ZNF268: variants seen among roughly 807,000 people sequenced by gnomAD.
The protein encoded by ZNF268 is zinc finger protein 3.
A neutral mutation model predicts 29.3 loss-of-function variants in ZNF268; 20 were observed. The observed-to-expected ratio is 0.68, with a 90% confidence interval of 0.48 to 0.99. The LOEUF is 0.99. Ranked by LOEUF, ZNF268 falls within the 50% of genes least tolerant of loss-of-function variation. ZNF268 has a pLI of 0.00. For missense variants in ZNF268, 1,240 were observed against 1,121.6 expected (o/e 1.11, Z -1.51); for synonymous variants, 429 against 376.9 (o/e 1.14, Z -1.60).
intron 5 of ZNF268, among the ~76,000 whole-genome samples, chr12:133,192,763 G>A (rs1446113242): frequency 1.3e-5 from 2 of 151,666 alleles, no homozygotes; most frequent in African/African-American, 4.8e-5. Context: ...TCTGCCTCCC[G>A]GGTCTCCTGC....
intron 5 of ZNF268, among the ~76,000 whole-genome samples, chr12:133,198,202 G>A (rs1593910813): frequency 2.7e-5 from 4 of 146,942 alleles, no homozygotes; most frequent in South Asian, 4.3e-4. Context: ...ATCTTGAATT[G>A]ATTTTTGTAT....
At chr12:133,196,376 A>C (rs2135508330) in intron 5 of ZNF268, among the ~76,000 whole-genome samples, 1 of 149,658 alleles carries the variant, frequency 6.7e-6, no homozygotes, top group South Asian at 2.1e-4. Context: ...GTATTCCCTG[A>C]TTTTTTGAAT....
rs1185469037 is a variant in ZNF268 at position 133,206,887 on chromosome 12, AAAG to A, written c.*2362_*2364del. On this transcript the variant is annotated 3_prime_UTR_variant, in exon 6 of 6. Coordinates refer to ENST00000536435, the MANE Select transcript of ZNF268 (RefSeq NM_003415.3). Reference sequence around the variant, plus strand: ...AGGTGTATATTATTATTGATGTACCAAAGAAGACAGAATAAATTCATAAGAGAA... The same window carrying A: ...AGGTGTATATTATTATTGATGTACCAAAGACAGAATAAATTCATAAGAGAA... The A allele has an allele frequency of 1.3e-5, 2 of 152,220 alleles. No individual in the cohort carries two copies. The highest frequency in any genetic ancestry group is 2.9e-5 in the Non-Finnish European group (2 of 68,058). The allele number at this position is 152,220 out of a possible 1,614,324, so 9.4% of individuals were successfully genotyped here. A position where few individuals can be genotyped will look rare whatever the true frequency, so the allele number is the denominator to read the frequency against.
At position 133,203,313 on chromosome 12, in the gene ZNF268, C is replaced by A; in HGVS notation, c.1627C>A (p.Leu543Ile). ...CGKAFSFKSQ[L>I]IIHQRIHTGE... is the part of the protein sequence containing the mutation. ...GAAAGCCTTCAGTTTTAAATCACAG[C>A]TCATTATACATCAGAGGATTCATAC... is the stretch of plus-strand genomic sequence containing the variant. The change falls in exon 6 of 6, where the codon CTC becomes ATC. Residue 543 changes from leucine to isoleucine, a missense_variant. This residue lies in a region of ZNF268 where 1,177 missense variants were observed against 1,039.6 expected (regional missense o/e 1.13). Coordinates refer to ENST00000536435, the MANE Select transcript of ZNF268 (RefSeq NM_003415.3). The A allele has an allele frequency of 6.5e-7, 1 of 1,543,090 alleles. No homozygotes were observed.
chr12:133,203,646 C>T lies in ZNF268; in HGVS notation c.1960C>T (p.Gln654Ter), dbSNP rs776938661. Residue 654 changes from glutamine (Q) to a stop codon, truncating the protein, a stop_gained, in exon 6 of 6, where the codon CAG becomes TAG. Transcript: ENST00000536435. LOFTEE classifies it low-confidence loss of function (END_TRUNC). ...TGGAAAAGCCTTTACGTTCAAATCA[C>T]AGCTCATTGTACATAAAGGAGTGCA... The part of the protein sequence containing the change: ...ECGKAFTFKS[Q>*]LIVHKGVHTG... The T allele has an allele frequency of 2.6e-6, 4 of 1,557,010 alleles. No individual in the cohort carries two copies. Among genetic ancestry groups the T allele is most frequent in the Non-Finnish European group, 3.5e-6 (4 of 1,155,464 alleles).
At chr12:133,185,018 T>A (rs61064616) in intron 2 of ZNF268, among the ~76,000 whole-genome samples, 51,145 of 151,502 alleles carry the variant, frequency 0.34, 9,047 homozygotes, top group African/African-American at 0.41. Context: ...ACCTCGTCTC[T>A]ACTAAAAATA....
intron 5 of ZNF268, among the ~76,000 whole-genome samples, chr12:133,195,902 AG>A: frequency 6.6e-6 from 1 of 151,384 alleles, no homozygotes; most frequent in Non-Finnish European, 1.5e-5. Context: ...ATTTTTAGAC[AG>A]GGTTTCACCA....
chr12:133,204,253 G>C lies in ZNF268; in HGVS notation c.2567G>C (p.Arg856Thr), dbSNP rs766957751. The part of the protein sequence containing the change: ...SGKLRLLVHQ[R>T]MHTREKPYEC... ...AAATTACGCCTTCTTGTACACCAGA[G>C]AATGCACACAAGAGAGAAACCATAT... The change falls in exon 6 of 6, where the codon AGA becomes ACA. Residue 856 changes from arginine (R) to threonine (T), a missense_variant. Transcript: ENST00000536435. The C allele has an allele frequency of 3.9e-6, 6 of 1,546,970 alleles. No individual in the cohort carries two copies. The South Asian group carries it at 7.1e-5, about 18-fold the overall frequency.
chr12:133,184,592 A>G (rs1022184655), intron 2 of ZNF268: 2 of 348,028 alleles, frequency 5.7e-6, no homozygotes, highest in African/African-American at 2.1e-5. Context: ...ATCACTATTA[A>G]AAGGCCGCAC....
chr12:133,189,114 T>C (rs1275714802), intron 3 of ZNF268, among the ~76,000 whole-genome samples: 1 of 152,134 alleles, frequency 6.6e-6, no homozygotes, highest in Non-Finnish European at 1.5e-5. Flanking sequence ...TCAATGTTTA[T>C]AGTTTTGAGC....
intron 2 of ZNF268, among the ~76,000 whole-genome samples, chr12:133,186,115 A>G (rs1956307752): frequency 6.6e-6 from 1 of 152,106 alleles, no homozygotes; most frequent in Non-Finnish European, 1.5e-5. Context: ...GGGTAAGGGT[A>G]CTGAGGTCCA....
Position 133,203,758 on chromosome 12 carries a change from C to G in ZNF268, c.2072C>G (p.Thr691Arg). ...SQLIVHQRSHTGVKPYGCSEC... is the reference protein window; with the variant it reads ...SQLIVHQRSHRGVKPYGCSEC... Reference sequence around the variant, plus strand: ...CTCATTGTACATCAGAGAAGTCACACAGGAGTAAAACCATATGGATGCAGT... The same window carrying G: ...CTCATTGTACATCAGAGAAGTCACAGAGGAGTAAAACCATATGGATGCAGT... The change falls in exon 6 of 6, where the codon ACA becomes AGA. Residue 691 changes from threonine to arginine, a missense_variant. Physicochemically the swap from Thr to Arg is moderately conservative, Grantham distance 71. This residue lies in a region of ZNF268 where 1,177 missense variants were observed against 1,039.6 expected (regional missense o/e 1.13). Transcript: ENST00000536435. 1.3e-6 allele frequency: 2 copies of G among 1,561,780 alleles called. No homozygotes were observed. Among genetic ancestry groups the G allele is most frequent in the Non-Finnish European group, 1.7e-6 (2 of 1,160,052 alleles).
In ZNF268 at chr12:133,202,845, C is replaced by T. The variant is rs1956788621; in HGVS notation, c.1159C>T (p.Pro387Ser). The T allele has an allele frequency of 6.3e-7, 1 of 1,587,892 alleles. No homozygotes were observed. The highest frequency in any genetic ancestry group is 8.5e-7 in the Non-Finnish European group (1 of 1,169,692). Residue 387 changes from proline to serine, a missense_variant, in exon 6 of 6, where the codon CCA (proline) becomes TCA (serine). Pro to Ser is a moderately conservative substitution (Grantham distance 74, BLOSUM62 -1). This residue lies in a region of ZNF268 where 1,177 missense variants were observed against 1,039.6 expected (regional missense o/e 1.13). Transcript: ENST00000536435. Reference protein sequence around the residue: ...SHQKTHSGQKPYVCNECGKAF... With the variant: ...SHQKTHSGQKSYVCNECGKAF... ...CCAGAAAACTCATTCAGGACAGAAACCATATGTGTGTAATGAATGTGGGAA... is the reference window on the plus strand; with the variant it reads ...CCAGAAAACTCATTCAGGACAGAAATCATATGTGTGTAATGAATGTGGGAA...
rs746770153 is a variant in ZNF268, at chr12:133,206,532, T to C, written c.*2002T>C. Reference sequence around the variant, plus strand: ...TTCTTCACTACCTCATCAGGTTTGTTATGTGAGTGGGCATTAATCTGGGAA... The same window carrying C: ...TTCTTCACTACCTCATCAGGTTTGTCATGTGAGTGGGCATTAATCTGGGAA... On this transcript the variant is annotated 3_prime_UTR_variant, in exon 6 of 6. Transcript: ENST00000536435. 6.6e-6 allele frequency: 1 copy of C among 152,186 alleles called. No individual in the cohort carries two copies. The highest frequency in any genetic ancestry group is 2.4e-5 in the African/African-American group (1 of 41,448). 9.4% of individuals were successfully genotyped at this position (152,186 alleles called of 1,614,324 possible).
intron 5 of ZNF268, among the ~76,000 whole-genome samples, chr12:133,196,620 AAAAT>A (rs1165407918): frequency 3.3e-5 from 5 of 152,212 alleles, no homozygotes; most frequent in Non-Finnish European, 5.9e-5. Context: ...GTCTACCAAA[AAAAT>A]AGTGACAGTC....
intron 5 of ZNF268, among the ~76,000 whole-genome samples, chr12:133,199,534 G>C (rs1337875069): frequency 1.3e-4 from 19 of 151,768 alleles, no homozygotes; most frequent in Non-Finnish European, 2.8e-4. Context: ...TTGGTATCAG[G>C]ATGATGCTGG....
intron 5 of ZNF268, among the ~76,000 whole-genome samples, chr12:133,196,561 G>A (rs908749950): frequency 8.5e-5 from 13 of 152,280 alleles, no homozygotes; most frequent in Middle Eastern, 6.8e-3. Flanking sequence ...GAAGGATAAA[G>A]TACAGGGTTT....
intron 5 of ZNF268, among the ~76,000 whole-genome samples, chr12:133,195,006 A>G (rs1396484584): frequency 1.3e-5 from 1 of 76,862 alleles, no homozygotes; most frequent in African/African-American, 5.8e-5. Context: ...AGATAAATTA[A>G]ACACATCCAG....
Position 133,211,835 on chromosome 12 carries a change from C to T in ZNF268, c.*7305C>T, listed in dbSNP as rs558139331. On this transcript the variant is annotated 3_prime_UTR_variant, in exon 6 of 6. Transcript: ENST00000536435. ...TTTTCCCCAAAGCTAAACAAAGCTTCACAATATGAGCCAACAATCACACTC... is the reference window on the plus strand; with the variant it reads ...TTTTCCCCAAAGCTAAACAAAGCTTTACAATATGAGCCAACAATCACACTC... 1.9e-4 allele frequency: 29 copies of T among 152,326 alleles called. No homozygotes were observed. Among genetic ancestry groups the T allele is most frequent in the African/African-American group, 6.7e-4 (28 of 41,578 alleles). 9.4% of individuals were successfully genotyped at this position (152,326 alleles called of 1,614,324 possible).
Sources: allele counts gnomAD v4.1 joint callset (sites outside exome capture counted in the v4.1 genomes callset), GRCh38; gene constraint gnomAD v4.1.1; regional missense constraint gnomAD v4.1.1; transcripts MANE v1.5; gene names NCBI Gene and HGNC (gene_info 2026-07-23, HGNC 2026-07-21).